Variants in CCDC178 observed in about 807,000 individuals in gnomAD.
CCDC178 encodes the protein coiled-coil domain-containing protein 178.
A neutral mutation model predicts 117.4 loss-of-function variants in CCDC178; 126 were observed. The observed-to-expected ratio is 1.07, with a 90% confidence interval of 0.93 to 1.24. CCDC178 has a LOEUF of 1.24. Ranked by LOEUF, CCDC178 falls within the 50% of genes most tolerant of loss-of-function variation. The pLI is 0.00. For missense variants in CCDC178, 1,030 were observed against 986.9 expected (o/e 1.04, Z -0.59); for synonymous variants, 283 against 313.4 (o/e 0.90, Z 1.02).
chr18:33,324,803 A>T (rs1452798158), intron 10 of CCDC178, among the ~76,000 whole-genome samples: 7 of 151,850 alleles, frequency 4.6e-5, no homozygotes, highest in African/African-American at 1.7e-4. Context: ...AAATGTCTAT[A>T]CCTTTATAAG....
At chr18:33,278,282 CATAT>C (rs36227101) in intron 12 of CCDC178, among the ~76,000 whole-genome samples, 1,481 of 141,252 alleles carry the variant, frequency 0.01, 9 homozygotes, top group African/African-American at 0.012. Context: ...TACACAAATA[CATAT>C]ATATATATAT....
At chr18:33,289,488 C>T (rs975328666) in intron 12 of CCDC178, among the ~76,000 whole-genome samples, 2 of 151,976 alleles carry the variant, frequency 1.3e-5, no homozygotes, top group Non-Finnish European at 2.9e-5. Flanking sequence ...GTGGCACACA[C>T]CTGTAATCCC....
At chr18:33,311,806 A>G (rs938732239) in intron 11 of CCDC178, among the ~76,000 whole-genome samples, 4 of 152,150 alleles carry the variant, frequency 2.6e-5, no homozygotes, top group African/African-American at 7.2e-5. Flanking sequence ...TGTAGGGTGC[A>G]AGACTGTTGA....
chr18:33,094,307 G>A (rs1479914226), intron 20 of CCDC178, among the ~76,000 whole-genome samples: 3 of 151,842 alleles, frequency 2.0e-5, no homozygotes, highest in Non-Finnish European at 2.9e-5. Flanking sequence ...TTTTTGTTAC[G>A]AGGACAAAGT....
At chr18:33,381,654 A>G (rs2063440058) in intron 5 of CCDC178, among the ~76,000 whole-genome samples, 1 of 152,054 alleles carries the variant, frequency 6.6e-6, no homozygotes, top group African/African-American at 2.4e-5. Context: ...TTCATTTCAA[A>G]TCTCTCCTGA....
At chr18:33,225,999 T>C (rs998916558) in intron 16 of CCDC178, among the ~76,000 whole-genome samples, 8 of 152,048 alleles carry the variant, frequency 5.3e-5, no homozygotes, top group African/African-American at 1.9e-4. Flanking sequence ...CTGTCTCTAC[T>C]AAAAATACAA....
intron 14 of CCDC178, 43 bp from the exon 15 acceptor site, chr18:33,245,471 G>C: frequency 7.5e-7 from 1 of 1,329,450 alleles, no homozygotes; most frequent in Non-Finnish European, 9.8e-7. Flanking sequence ...AGTATATAGT[G>C]AGACAAACAT....
At chr18:33,052,614 G>T (rs1317551027) in intron 21 of CCDC178, among the ~76,000 whole-genome samples, 1 of 152,100 alleles carries the variant, frequency 6.6e-6, no homozygotes, top group Non-Finnish European at 1.5e-5. Context: ...TAGAGGAAGA[G>T]AAAAACATAT....
At chr18:33,147,577 G>A (rs991994268) in intron 20 of CCDC178, among the ~76,000 whole-genome samples, 1 of 151,332 alleles carries the variant, frequency 6.6e-6, no homozygotes, top group Non-Finnish European at 1.5e-5. Flanking sequence ...GACTCCTAAC[G>A]AGCATGCTGC....
At chr18:33,334,656 T>C (rs2062716557) in intron 9 of CCDC178, among the ~76,000 whole-genome samples, 2 of 152,076 alleles carry the variant, frequency 1.3e-5, no homozygotes, top group East Asian at 3.8e-4. Flanking sequence ...TATTTTTCTA[T>C]AGTTGTGCTG....
At chr18:33,116,122 C>A (rs1352490836) in intron 20 of CCDC178, among the ~76,000 whole-genome samples, 1 of 152,042 alleles carries the variant, frequency 6.6e-6, no homozygotes, top group Non-Finnish European at 1.5e-5. Flanking sequence ...GAATCTGCTG[C>A]ACAGATTTAC....
chr18:33,268,513 T>C (rs1401173704), intron 12 of CCDC178, among the ~76,000 whole-genome samples: 1 of 151,778 alleles, frequency 6.6e-6, no homozygotes, highest in East Asian at 1.9e-4. Flanking sequence ...ACACAGAACA[T>C]GTTCAAATTA....
intron 20 of CCDC178, among the ~76,000 whole-genome samples, chr18:33,131,935 C>CT (rs1397583109): frequency 2.0e-5 from 3 of 151,432 alleles, no homozygotes; most frequent in African/African-American, 4.8e-5. Context: ...TTCACCTTTT[C>CT]TTTTTTGTTA....
At chr18:33,435,214 A>G (rs570557749) in intron 2 of CCDC178, among the ~76,000 whole-genome samples, 46 of 152,260 alleles carry the variant, frequency 3.0e-4, no homozygotes, top group Admixed American at 1.6e-3. Context: ...TCTTAAAACT[A>G]TGCTGTTCTC....
rs146460649 is a variant in CCDC178, at chr18:32,941,389, T to C, written c.2524-3298A>G. On this transcript the variant is annotated intron_variant, in intron 22 of 22. Coordinates refer to ENST00000383096, the MANE Select transcript of CCDC178 (RefSeq NM_001105528.4). ...TCTATTCAACAGGAGATTTCTGCTA[T>C]AGGAAAACGATAAAAGTAGGGAACA... is the stretch of plus-strand genomic sequence containing the variant. 1.2e-3 allele frequency among the ~76,000 whole-genome samples: 178 copies of C among 152,238 alleles called. 1 individual carries two copies. The highest frequency in any genetic ancestry group is 4.0e-3 in the African/African-American group (165 of 41,540).
chr18:33,173,615 T>C (rs917292847), intron 20 of CCDC178, among the ~76,000 whole-genome samples: 11 of 152,210 alleles, frequency 7.2e-5, no homozygotes, highest in African/African-American at 2.4e-4. Flanking sequence ...ATTGTTACTA[T>C]GTTTTCTCCA....
chr18:33,437,232 T>A (rs1361881088), intron 2 of CCDC178, among the ~76,000 whole-genome samples: 1 of 152,194 alleles, frequency 6.6e-6, no homozygotes, highest in Non-Finnish European at 1.5e-5. Flanking sequence ...AAAACAAATT[T>A]AAATAATAAA....
At chr18:33,113,285 G>C (rs2057808310) in intron 20 of CCDC178, among the ~76,000 whole-genome samples, 2 of 151,970 alleles carry the variant, frequency 1.3e-5, no homozygotes, top group Non-Finnish European at 2.9e-5. Flanking sequence ...TCCTTGATAT[G>C]TTGAGAAACA....
At chr18:33,089,972 C>A (rs538729056) in intron 21 of CCDC178, among the ~76,000 whole-genome samples, 3 of 152,196 alleles carry the variant, frequency 2.0e-5, no homozygotes, top group Admixed American at 1.3e-4. Context: ...ATGAACAGGG[C>A]AAATAAGAAT....
Sources: allele counts gnomAD v4.1 joint callset (sites outside exome capture counted in the v4.1 genomes callset), GRCh38; gene constraint gnomAD v4.1.1; transcripts MANE v1.5; gene names NCBI Gene and HGNC (gene_info 2026-07-23, HGNC 2026-07-21).